FHIT: variants seen among roughly 807,000 people sequenced by gnomAD.
FHIT encodes the protein fragile histidine triad diadenosine triphosphatase.
In FHIT, 19 loss-of-function variants were observed where a neutral mutation model predicts 17.9. The observed-to-expected ratio is 1.06, with a 90% CI of 0.74 to 1.56. The LOEUF is 1.56. Among genes scored for constraint, FHIT ranks in the 40% most tolerant of loss-of-function variants. The pLI is 0.00. For synonymous variants in FHIT, 81 were observed against 69.7 expected (o/e 1.16, Z -0.81); for missense variants, 248 against 189.2 (o/e 1.31, Z -1.82).
chr3:60,031,331 AAAG>A (rs1187250748), intron 5 of FHIT, among the ~76,000 whole-genome samples: 2 of 152,238 alleles, frequency 1.3e-5, no homozygotes, highest in African/African-American at 4.8e-5. Flanking sequence ...GAAGAAAATC[AAAG>A]AAAAGAGAAA....
At chr3:60,411,650 T>C (rs912244180) in intron 5 of FHIT, among the ~76,000 whole-genome samples, 1 of 152,160 alleles carries the variant, frequency 6.6e-6, no homozygotes, top group African/African-American at 2.4e-5. Flanking sequence ...TATTTTGTGA[T>C]TGGCAGGGTA....
At chr3:60,256,435 A>G (rs1705995884) in intron 5 of FHIT, among the ~76,000 whole-genome samples, 1 of 152,206 alleles carries the variant, frequency 6.6e-6, no homozygotes, top group Admixed American at 6.5e-5. Context: ...TAAATCACCC[A>G]GGCTAAGGTA....
At chr3:60,691,948 G>A (rs1431601593) in intron 4 of FHIT, among the ~76,000 whole-genome samples, 2 of 152,074 alleles carry the variant, frequency 1.3e-5, no homozygotes, top group African/African-American at 4.8e-5. Flanking sequence ...TGTCCATAAT[G>A]ATTTCTTTTT....
At chr3:60,348,199 C>G (rs183471649) in intron 5 of FHIT, among the ~76,000 whole-genome samples, 1 of 151,850 alleles carries the variant, frequency 6.6e-6, no homozygotes, top group Non-Finnish European at 1.5e-5. Context: ...GTTTGTTTAA[C>G]AAATCAATGG....
intron 2 of FHIT, among the ~76,000 whole-genome samples, chr3:61,049,652 A>C (rs865870763): frequency 7.2e-5 from 11 of 152,160 alleles, no homozygotes; most frequent in Non-Finnish European, 1.6e-4. Flanking sequence ...TGCCTAAAAA[A>C]TCTCTATAAA....
At chr3:59,820,673 G>C (rs1700756014) in intron 8 of FHIT, among the ~76,000 whole-genome samples, 1 of 152,316 alleles carries the variant, frequency 6.6e-6, no homozygotes, top group Admixed American at 6.5e-5. Flanking sequence ...GACTCACAAA[G>C]CCTAACATAT....
intron 5 of FHIT, among the ~76,000 whole-genome samples, chr3:60,144,264 A>AC (rs1700148007): frequency 1.3e-5 from 2 of 152,202 alleles, no homozygotes; most frequent in African/African-American, 2.4e-5. Context: ...CAACTCTAAT[A>AC]ACAACAGTAA....
At chr3:60,305,506 G>A (rs906870379) in intron 5 of FHIT, among the ~76,000 whole-genome samples, 3 of 151,972 alleles carry the variant, frequency 2.0e-5, no homozygotes, top group Non-Finnish European at 2.9e-5. Flanking sequence ...ATCTACTCTC[G>A]GCTGTTGATT....
chr3:60,107,110 C>A (rs1046707557), intron 5 of FHIT, among the ~76,000 whole-genome samples: 51 of 142,528 alleles, frequency 3.6e-4, no homozygotes, highest in African/African-American at 1.3e-3. Context: ...GGAAAAGGCT[C>A]ATTTGATTAA....
intron 4 of FHIT, among the ~76,000 whole-genome samples, chr3:60,753,009 A>G (rs918335489): frequency 6.6e-6 from 1 of 152,208 alleles, no homozygotes; most frequent in East Asian, 1.9e-4. Context: ...AGTCTTTAAG[A>G]ATGCAAAACT....
intron 2 of FHIT, among the ~76,000 whole-genome samples, chr3:61,081,501 C>G (rs1271272105): frequency 6.6e-6 from 1 of 152,168 alleles, no homozygotes; most frequent in Non-Finnish European, 1.5e-5. Flanking sequence ...TCATCGTAGC[C>G]TTTTAATTAA....
chr3:59,795,491 G>A (rs1905864), intron 8 of FHIT, among the ~76,000 whole-genome samples: 96,445 of 151,880 alleles, frequency 0.64, 31,139 homozygotes, highest in Middle Eastern at 0.77. Flanking sequence ...AAGAGTGAGG[G>A]TAAGTTTAAT....
chr3:60,937,854 G>A (rs781926915), intron 3 of FHIT, among the ~76,000 whole-genome samples: 27 of 152,002 alleles, frequency 1.8e-4, no homozygotes, highest in Non-Finnish European at 3.1e-4. Context: ...GAGCCACCAC[G>A]CCCGGCCCTC....
intron 2 of FHIT, among the ~76,000 whole-genome samples, chr3:61,118,069 GA>G (rs1416691715): frequency 9.2e-5 from 14 of 151,956 alleles, no homozygotes; most frequent in African/African-American, 3.4e-4. Context: ...GGAAGGAGGG[GA>G]AAAAACACTT....
chr3:60,668,098 C>T (rs367633826), intron 4 of FHIT, among the ~76,000 whole-genome samples: 1 of 151,940 alleles, frequency 6.6e-6, no homozygotes, highest in Non-Finnish European at 1.5e-5. Context: ...GTTATGTCTT[C>T]TTGCCCCAGT....
At chr3:60,598,929 A>G (rs543958523) in intron 4 of FHIT, among the ~76,000 whole-genome samples, 4 of 152,334 alleles carry the variant, frequency 2.6e-5, no homozygotes, top group African/African-American at 7.2e-5. Flanking sequence ...AGCAATGCCA[A>G]ATCACTGACA....
chr3:60,560,802 G>GACACACACAC (rs71092614), intron 4 of FHIT, among the ~76,000 whole-genome samples: 1 of 128,846 alleles, frequency 7.8e-6, no homozygotes, highest in African/African-American at 3.0e-5. Context: ...GATGTAAGGA[G>GACACACACAC]ACACACACAC....
chr3:60,308,234 T>C (rs1708772817), intron 5 of FHIT, among the ~76,000 whole-genome samples: 2 of 152,088 alleles, frequency 1.3e-5, no homozygotes, highest in Admixed American at 6.6e-5. Context: ...AGTTTCTTCA[T>C]TTGTCACATA....
At chr3:60,839,035 T>C (rs1702627944) in intron 3 of FHIT, among the ~76,000 whole-genome samples, 1 of 151,918 alleles carries the variant, frequency 6.6e-6, no homozygotes, top group Admixed American at 6.6e-5. Context: ...GGCTGAGGTA[T>C]AGAACACCCA....
Sources: allele counts gnomAD v4.1 joint callset (sites outside exome capture counted in the v4.1 genomes callset), GRCh38; gene constraint gnomAD v4.1.1; transcripts MANE v1.5; gene names NCBI Gene and HGNC (gene_info 2026-07-23, HGNC 2026-07-21).